The following BTBD1 variants were observed in gnomAD, a reference collection of about 807,000 sequenced individuals.
BTBD1 encodes the protein BTB domain containing 1.
A neutral mutation model predicts 48.0 loss-of-function variants in BTBD1; 34 were observed. That is an observed-to-expected ratio of 0.71 (90% CI 0.54 to 0.94). The LOEUF is 0.94. BTBD1 is among the 40% of genes least tolerant of loss of function. BTBD1 has a pLI of 0.00. For missense variants in BTBD1, 543 were observed against 625.6 expected, an observed-to-expected ratio of 0.87 and a Z score of 1.41; for synonymous variants, 261 against 242.1, an observed-to-expected ratio of 1.08 and a Z score of -0.72.
chr15:83,063,380 A>G (rs8036012), intron 1 of BTBD1, among the ~76,000 whole-genome samples: 4,875 of 152,214 alleles, frequency 0.032, 247 homozygotes, highest in African/African-American at 0.11. Context: ...CTATGACACT[A>G]CTTGGATGTC....
At chr15:83,058,341 T>C (rs1169218578) in intron 1 of BTBD1, among the ~76,000 whole-genome samples, 4 of 152,248 alleles carry the variant, frequency 2.6e-5, no homozygotes, top group African/African-American at 9.6e-5. Context: ...TTTCTCTTCA[T>C]TGTAATGGAC....
rs569206187 is a variant in BTBD1, at chr15:83,038,449, A to G, written c.862+3279T>C. On this transcript the variant is annotated intron_variant, in intron 4 of 7. Transcript: ENST00000261721. ...TATATGCTCGTGGATTGGAAGACTC[A>G]ATATCGTTCAAATGACCATATTGCC... Among the ~76,000 whole-genome samples the G allele has an allele frequency of 4.1e-4, 62 of 152,328 alleles. 1 individual carries two copies. In the South Asian group the frequency reaches 9.9e-3, roughly 24 times the overall value.
chr15:83,067,193 C>A lies in BTBD1; in HGVS notation c.-42G>T, dbSNP rs1410811142. 1 of 1,358,544 alleles carries A rather than the reference C, an allele frequency of 7.4e-7. No homozygotes were observed. The highest frequency in any genetic ancestry group is 9.5e-7 in the Non-Finnish European group (1 of 1,057,340). 84.2% of individuals were successfully genotyped at this position (1,358,544 alleles called of 1,614,324 possible). A position where few individuals can be genotyped will look rare whatever the true frequency, so the allele number is the denominator to read the frequency against. ...TGCCCACGTTATGGACAAAACTCCG[C>A]CGCCATCGCCCAGGCCGCCTCCGGA... On this transcript the variant is annotated 5_prime_UTR_variant, in exon 1 of 8. Transcript: ENST00000261721.
At chr15:83,042,634 T>C (rs1188043972) in intron 3 of BTBD1, among the ~76,000 whole-genome samples, 1 of 152,098 alleles carries the variant, frequency 6.6e-6, no homozygotes, top group Non-Finnish European at 1.5e-5. Context: ...TCTGCCTGCC[T>C]CGGCCTTCCA....
intron 5 of BTBD1, among the ~76,000 whole-genome samples, chr15:83,021,315 G>C (rs985663818): frequency 2.0e-5 from 3 of 152,196 alleles, no homozygotes; most frequent in Admixed American, 1.3e-4. Context: ...TACTCTAACA[G>C]AATACTGGTA....
chr15:83,028,151 T>TTA (rs1329968411), intron 5 of BTBD1, among the ~76,000 whole-genome samples: 1 of 152,196 alleles, frequency 6.6e-6, no homozygotes, highest in Non-Finnish European at 1.5e-5. Context: ...TCAATCAGAA[T>TTA]TATAATAACA....
chr15:83,052,207 C>T (rs2033000530), intron 2 of BTBD1, among the ~76,000 whole-genome samples: 1 of 152,006 alleles, frequency 6.6e-6, no homozygotes, highest in Non-Finnish European at 1.5e-5. Flanking sequence ...TCCACCTGCC[C>T]AAAGTGTTGG....
At chr15:83,040,641 G>A (rs186417820) in intron 4 of BTBD1, among the ~76,000 whole-genome samples, 20 of 150,434 alleles carry the variant, frequency 1.3e-4, no homozygotes, top group Middle Eastern at 3.4e-3. Flanking sequence ...TGGACGTTGC[G>A]GTGAGCTGAG....
rs398028150 is a variant in BTBD1 at position 83,052,797 on chromosome 15, A to ATTTTTTTTT, written c.559-2628_559-2620dup. On this transcript the variant is annotated intron_variant, in intron 2 of 7. Coordinates refer to ENST00000261721, the MANE Select transcript of BTBD1 (RefSeq NM_025238.4). ...AGGCGCCCACCACCTCGCCCGGCTA[A>ATTTTTTTTT]TTTTTTTTTTTTTTTTTTTTTTTTA... is the stretch of plus-strand genomic sequence containing the variant. Among the ~76,000 whole-genome samples, 59 of 94,528 alleles carry ATTTTTTTTT rather than the reference A, an allele frequency of 6.2e-4. 3 individuals carry two copies. Among genetic ancestry groups the ATTTTTTTTT allele is most frequent in the Admixed American group, 1.3e-3 (10 of 7,762 alleles). The allele number at this position is 94,528 out of a possible 152,430, so 62.0% of individuals were successfully genotyped here.
At chr15:83,055,579 T>C (rs563100944) in intron 2 of BTBD1, among the ~76,000 whole-genome samples, 34 of 152,338 alleles carry the variant, frequency 2.2e-4, no homozygotes, top group African/African-American at 7.7e-4. Context: ...GTTTTCTATA[T>C]GGATCCTATA....
intron 5 of BTBD1, among the ~76,000 whole-genome samples, chr15:83,027,185 T>C (rs973126508): frequency 2.0e-5 from 3 of 152,094 alleles, no homozygotes; most frequent in African/African-American, 7.2e-5. Flanking sequence ...AAACCCCGTC[T>C]CTATTAAAAA....
At chr15:83,052,245 GT>G (rs1410485512) in intron 2 of BTBD1, among the ~76,000 whole-genome samples, 1 of 152,098 alleles carries the variant, frequency 6.6e-6, no homozygotes, top group East Asian at 1.9e-4. Flanking sequence ...ACCGTGCTTG[GT>G]TTTTGTATTT....
intron 2 of BTBD1, among the ~76,000 whole-genome samples, chr15:83,051,172 C>G (rs2032974091): frequency 6.6e-6 from 1 of 152,080 alleles, no homozygotes; most frequent in Non-Finnish European, 1.5e-5. Context: ...GGGGTTAGTT[C>G]TCTTCACATT....
At chr15:83,030,501 G>A (rs2151302608) in intron 4 of BTBD1, 173 bp from the exon 5 acceptor site, 2 of 577,226 alleles carry the variant, frequency 3.5e-6, no homozygotes, top group Non-Finnish European at 6.1e-6. Flanking sequence ...TCCATTTGAG[G>A]TTAAACACAT....
rs1402031417 is a variant in BTBD1, at chr15:83,067,043, G to A, written c.109C>T (p.Leu37=). The A allele has an allele frequency of 3.8e-6, 6 of 1,581,964 alleles. No individual in the cohort carries two copies. Among genetic ancestry groups the A allele is most frequent in the Non-Finnish European group, 5.1e-6 (6 of 1,166,710 alleles). The part of the protein sequence containing the change: ...PPPSPSSLGP[L]LPLQREPLYN... Reference sequence around the variant, plus strand: ...AGAGGTTCCCGCTGCAGGGGGAGCAGGGGCCCCAGAGAGGACGGTGAGGGC... The same window carrying A: ...AGAGGTTCCCGCTGCAGGGGGAGCAAGGGCCCCAGAGAGGACGGTGAGGGC... Residue 37 remains leucine, a synonymous_variant, in exon 1 of 8, where the codon CTG becomes TTG. Coordinates refer to ENST00000261721, the MANE Select transcript of BTBD1 (RefSeq NM_025238.4).
intron 5 of BTBD1, chr15:83,029,873 A>T: frequency 2.4e-6 from 1 of 415,716 alleles, no homozygotes; most frequent in Non-Finnish European, 4.3e-6. Context: ...TCTTGGGGAA[A>T]AACAAAAAAA....
At chr15:83,041,677 A>G (rs1326754577) in intron 4 of BTBD1, 51 bp downstream of exon 4, 1 of 1,566,304 alleles carries the variant, frequency 6.4e-7, no homozygotes, top group Non-Finnish European at 8.8e-7. Context: ...CCCAGCCCTG[A>G]CAGACTATTA....
At chr15:83,050,430 T>TGTGTG (rs2032959429) in intron 2 of BTBD1, among the ~76,000 whole-genome samples, 1 of 146,150 alleles carries the variant, frequency 6.8e-6, no homozygotes, top group Non-Finnish European at 1.5e-5. Flanking sequence ...TTTTATGTGC[T>TGTGTG]TGTGTGTGTG....
chr15:83,032,730 G>A (rs767409628), intron 4 of BTBD1, among the ~76,000 whole-genome samples: 34 of 152,176 alleles, frequency 2.2e-4, no homozygotes, highest in Admixed American at 4.6e-4. Context: ...GGACTTGGGG[G>A]GAATGGTAGG....
Sources: allele counts gnomAD v4.1 joint callset (sites outside exome capture counted in the v4.1 genomes callset), GRCh38; gene constraint gnomAD v4.1.1; transcripts MANE v1.5; gene names NCBI Gene and HGNC (gene_info 2026-07-23, HGNC 2026-07-21).